The following MACROD1 variants were observed in gnomAD, a reference collection of about 807,000 sequenced individuals.
MACROD1 encodes the protein mono-ADP ribosylhydrolase 1, also known as ADP-ribose glycohydrolase MACROD1.
In MACROD1, 31 loss-of-function variants were observed where a neutral mutation model predicts 41.4. The ratio of observed to expected loss-of-function variants is 0.75; its 90% CI spans 0.56 to 1.01. The LOEUF (loss-of-function observed/expected upper bound fraction) is 1.01, where lower values mean the gene tolerates loss of function less well. Among genes scored for constraint, MACROD1 ranks in the 50% least tolerant of loss-of-function variants. The pLI is 0.00. For synonymous variants in MACROD1, 252 were observed against 203.4 expected (o/e 1.24, Z -2.03); for missense variants, 473 against 460.0 (o/e 1.03, Z -0.26).
At chr11:64,141,249 G>A (rs887678592) in intron 3 of MACROD1, among the ~76,000 whole-genome samples, 21 of 152,202 alleles carry the variant, frequency 1.4e-4, no homozygotes, top group African/African-American at 4.8e-4. Flanking sequence ...TGGAGGCCAC[G>A]CCAAGCTGGC....
At position 64,036,849 on chromosome 11, in the gene MACROD1, C is replaced by G. The variant is rs1172747687; in HGVS notation, c.518-21568G>C. Among the ~76,000 whole-genome samples, 2 of 152,098 alleles carry G rather than the reference C, an allele frequency of 1.3e-5. No individual in the cohort carries two copies. On this transcript the variant is annotated intron_variant, in intron 3 of 10. Coordinates refer to ENST00000255681, the MANE Select transcript of MACROD1 (RefSeq NM_014067.4). This position sits in a 1 kb window ranked among gnomAD's most constrained non-coding sequence, Gnocchi z 5.6. ...CAGCTCTCAAGACAAGGAGGCGGCC[C>G]GACCCGGCGGCGCACGCCCCTCCTC...
Position 63,999,322 on chromosome 11 carries a change from A to T in MACROD1, c.891+9T>A. 1 of 1,562,056 alleles carries T rather than the reference A, an allele frequency of 6.4e-7. No homozygotes were observed. The highest frequency in any genetic ancestry group is 8.6e-7 in the Non-Finnish European group (1 of 1,160,338). On this transcript the variant is annotated intron_variant, in intron 8 of 10. Coordinates refer to ENST00000255681, the MANE Select transcript of MACROD1 (RefSeq NM_014067.4). ...GCGGACCCCACCCTCGCCCGGGCCC[A>T]GGACTCACCTTGTCCTTGTGCTGCT...
At chr11:64,066,956 C>A (rs527852046) in intron 3 of MACROD1, among the ~76,000 whole-genome samples, 1 of 152,184 alleles carries the variant, frequency 6.6e-6, no homozygotes, top group African/African-American at 2.4e-5. Context: ...CAGTGCGCTA[C>A]GGAGGGTCAC....
intron 3 of MACROD1, among the ~76,000 whole-genome samples, chr11:64,131,587 A>G (rs1005155269): frequency 2.6e-5 from 4 of 152,064 alleles, no homozygotes; most frequent in African/African-American, 4.8e-5. Context: ...CGGCCTCCCA[A>G]AGTGCTGGGA....
At chr11:64,000,048 G>C in intron 5 of MACROD1, 179 bp downstream of exon 5, 4 of 634,242 alleles carry the variant, frequency 6.3e-6, no homozygotes, top group Non-Finnish European at 1.1e-5. Context: ...CTCCACGCAC[G>C]GTCTCCCCCA....
At chr11:64,117,303 C>G (rs377711019) in intron 3 of MACROD1, 1 of 1,613,992 alleles carries the variant, frequency 6.2e-7, no homozygotes, top group African/African-American at 1.3e-5. Flanking sequence ...GGTGAAGGCA[C>G]GGGCGGCCGT....
At chr11:64,161,563 G>A (rs1477971630) in intron 1 of MACROD1, among the ~76,000 whole-genome samples, 5 of 152,206 alleles carry the variant, frequency 3.3e-5, no homozygotes, top group Non-Finnish European at 7.3e-5. Flanking sequence ...AGTCTTCAAG[G>A]GCCACGGCTC....
At chr11:64,019,871 G>A (rs1338965070) in intron 3 of MACROD1, among the ~76,000 whole-genome samples, 1 of 152,152 alleles carries the variant, frequency 6.6e-6, no homozygotes, top group Admixed American at 6.5e-5. Flanking sequence ...AGGCTTGAAG[G>A]ATAAGAAGGA....
chr11:64,043,132 G>A (rs1045099655), intron 3 of MACROD1, among the ~76,000 whole-genome samples: 1 of 152,224 alleles, frequency 6.6e-6, no homozygotes, highest in African/African-American at 2.4e-5. Flanking sequence ...CTGTGAAACA[G>A]GATGATGGCA....
chr11:64,018,344 C>A (rs1943109588), intron 3 of MACROD1, among the ~76,000 whole-genome samples: 1 of 152,200 alleles, frequency 6.6e-6, no homozygotes, highest in Non-Finnish European at 1.5e-5. Flanking sequence ...TTCCTCAGCT[C>A]CTCCTTTCCC....
chr11:64,161,698 C>A (rs1276351891), intron 1 of MACROD1, among the ~76,000 whole-genome samples: 1 of 152,246 alleles, frequency 6.6e-6, no homozygotes, highest in African/African-American at 2.4e-5. Context: ...TTTTGGGAGG[C>A]TGCGGTGGGC....
intron 3 of MACROD1, among the ~76,000 whole-genome samples, chr11:64,039,634 G>A (rs568945601): frequency 2.3e-4 from 35 of 152,366 alleles, no homozygotes; most frequent in Middle Eastern, 3.4e-3. Flanking sequence ...CCTGCCTGGA[G>A]TTCTCTGGCA....
intron 3 of MACROD1, among the ~76,000 whole-genome samples, chr11:64,085,610 G>A (rs140121280): frequency 7.9e-5 from 12 of 152,332 alleles, no homozygotes; most frequent in Non-Finnish European, 1.6e-4. Context: ...CCAGCACAGC[G>A]ACAGCCTTGT....
intron 3 of MACROD1, among the ~76,000 whole-genome samples, chr11:64,040,607 A>C (rs538220052): frequency 6.6e-6 from 1 of 152,296 alleles, no homozygotes; most frequent in Non-Finnish European, 1.5e-5. Context: ...CTGTGTGTTC[A>C]CCTGCGTAGA....
chr11:64,037,095 G>A lies in MACROD1; in HGVS notation c.518-21814C>T, dbSNP rs895005778. Among the ~76,000 whole-genome samples the A allele has an allele frequency of 2.0e-5, 3 of 152,068 alleles. No homozygotes were observed. In the East Asian group the frequency reaches 5.8e-4, roughly 29 times the overall value. On this transcript the variant is annotated intron_variant, in intron 3 of 10. Coordinates refer to ENST00000255681, the MANE Select transcript of MACROD1 (RefSeq NM_014067.4). Reference sequence around the variant, plus strand: ...AGCTGGGGTGTGCCAGGCCCCCGAGGCCCAAGCCAGAGCTCTGATGTGAAT... The same window carrying A: ...AGCTGGGGTGTGCCAGGCCCCCGAGACCCAAGCCAGAGCTCTGATGTGAAT...
intron 3 of MACROD1, among the ~76,000 whole-genome samples, chr11:64,100,923 C>G (rs367986440): frequency 4.7e-4 from 71 of 152,240 alleles, no homozygotes; most frequent in Admixed American, 1.6e-3. Context: ...GCACCAAGAG[C>G]CTCACTTAGT....
chr11:64,122,032 C>T lies in MACROD1; in HGVS notation c.517+29207G>A, dbSNP rs1413110743. On this transcript the variant is annotated intron_variant, in intron 3 of 10. Coordinates refer to ENST00000255681, the MANE Select transcript of MACROD1 (RefSeq NM_014067.4). The surrounding 1 kb of genome is among the most constrained non-coding windows in gnomAD (Gnocchi z 4.0). ...GGAGAGAGAGAAGGCACCAGCAGGC[C>T]GGGAATCATTTGCATTTTGCGAATG... is the stretch of plus-strand genomic sequence containing the variant. Among the ~76,000 whole-genome samples the T allele has an allele frequency of 2.0e-5, 3 of 151,904 alleles. No individual in the cohort carries two copies. The highest frequency in any genetic ancestry group is 2.9e-5 in the Non-Finnish European group (2 of 68,000).
intron 3 of MACROD1, among the ~76,000 whole-genome samples, chr11:64,127,170 A>T (rs543355229): frequency 6.6e-6 from 1 of 152,244 alleles, no homozygotes; most frequent in Non-Finnish European, 1.5e-5. Context: ...TGAAACTTCA[A>T]TGTTGAGATG....
chr11:64,135,422 C>T (rs1366889509), intron 3 of MACROD1, among the ~76,000 whole-genome samples: 2 of 152,230 alleles, frequency 1.3e-5, no homozygotes, highest in Non-Finnish European at 2.9e-5. Flanking sequence ...CACAGTCACT[C>T]CACCCTCCAC....
Sources: allele counts gnomAD v4.1 joint callset (sites outside exome capture counted in the v4.1 genomes callset), GRCh38; gene constraint gnomAD v4.1.1; non-coding constraint Gnocchi (gnomAD v3.1); transcripts MANE v1.5; gene names NCBI Gene and HGNC (gene_info 2026-07-23, HGNC 2026-07-21).